PCGF5: variants seen among roughly 807,000 people sequenced by gnomAD.
PCGF5 encodes the protein polycomb group ring finger 5, also known as polycomb group RING finger protein 5.
In PCGF5, 9 loss-of-function variants were observed where a neutral mutation model predicts 44.3. The observed-to-expected ratio is 0.20, with a 90% CI of 0.12 to 0.35. The LOEUF (loss-of-function observed/expected upper bound fraction) is 0.35, where lower values mean the gene tolerates loss of function less well. Ranked by LOEUF, PCGF5 falls within the 10% of genes least tolerant of loss-of-function variation. The pLI is 1.00. For synonymous variants in PCGF5, 95 were observed against 102.5 expected (o/e 0.93, Z 0.44); for missense variants, 146 against 305.3 (o/e 0.48, Z 3.89).
At chr10:91,202,328 T>C (rs1224498233) in intron 1 of PCGF5, among the ~76,000 whole-genome samples, 2 of 152,228 alleles carry the variant, frequency 1.3e-5, no homozygotes, top group Non-Finnish European at 2.9e-5. Context: ...TGTGATCTGA[T>C]TGTTTTAAGC....
At chr10:91,218,400 T>C (rs1252870551), upstream of PCGF5, among the ~76,000 whole-genome samples, 2 of 152,112 alleles carry the variant, frequency 1.3e-5, no homozygotes, top group Non-Finnish European at 2.9e-5. Context: ...TTGAGATTTG[T>C]TATCAGAGCT....
intron 6 of PCGF5, among the ~76,000 whole-genome samples, chr10:91,257,058 A>G (rs1335898390): frequency 6.6e-6 from 1 of 152,148 alleles, no homozygotes; most frequent in Non-Finnish European, 1.5e-5. Flanking sequence ...TTTGCAAATC[A>G]TGTCTGATAA....
intron 1 of PCGF5, among the ~76,000 whole-genome samples, chr10:91,188,837 T>A (rs1406643856): frequency 6.6e-6 from 1 of 152,208 alleles, no homozygotes; most frequent in Admixed American, 6.5e-5. Context: ...TCACTTGTCA[T>A]TTCCCTAGAT....
intron 1 of PCGF5, among the ~76,000 whole-genome samples, chr10:91,163,410 G>A (rs1843430225): frequency 6.6e-6 from 1 of 151,952 alleles, no homozygotes; most frequent in South Asian, 2.1e-4. Context: ...CGGCCCCGCC[G>A]CGGGAGCAGC....
chr10:91,264,795 A>AT, intron 8 of PCGF5, among the ~76,000 whole-genome samples: 1 of 152,294 alleles, frequency 6.6e-6, no homozygotes, highest in East Asian at 1.9e-4. Flanking sequence ...AAAATGACAT[A>AT]TTTTTTAAAC....
chr10:91,226,616 G>A (rs1217478631), intron 2 of PCGF5, among the ~76,000 whole-genome samples: 6 of 152,254 alleles, frequency 3.9e-5, no homozygotes, highest in Admixed American at 2.6e-4. Flanking sequence ...AAACCAGATA[G>A]GTTGGTGCTT....
At chr10:91,189,525 A>G (rs1057279198) in intron 1 of PCGF5, among the ~76,000 whole-genome samples, 1 of 152,266 alleles carries the variant, frequency 6.6e-6, no homozygotes, top group South Asian at 2.1e-4. Flanking sequence ...GTAATATATG[A>G]CATAAAAATT....
intron 8 of PCGF5, among the ~76,000 whole-genome samples, chr10:91,270,554 T>C (rs1296346043): frequency 6.6e-6 from 1 of 152,164 alleles, no homozygotes; most frequent in East Asian, 1.9e-4. Context: ...TTACAGCATG[T>C]TGATGCACAC....
At chr10:91,258,432 A>AT in intron 6 of PCGF5, among the ~76,000 whole-genome samples, 1 of 152,272 alleles carries the variant, frequency 6.6e-6, no homozygotes, top group Middle Eastern at 3.4e-3. Context: ...GGCATTGTAT[A>AT]TACTTACAGT....
intron 1 of PCGF5, among the ~76,000 whole-genome samples, chr10:91,204,748 A>G (rs1157393568): frequency 6.6e-6 from 1 of 152,218 alleles, no homozygotes; most frequent in Admixed American, 6.5e-5. Flanking sequence ...TCTCTTCTTC[A>G]GATTTCTTCC....
chr10:91,246,107 A>G (rs2133364156), intron 3 of PCGF5, among the ~76,000 whole-genome samples: 1 of 152,338 alleles, frequency 6.6e-6, no homozygotes, highest in Admixed American at 6.5e-5. Flanking sequence ...GACTGACCAT[A>G]GAACAGATTA....
chr10:91,238,779 T>C (rs73312405), intron 2 of PCGF5, among the ~76,000 whole-genome samples: 4,238 of 152,058 alleles, frequency 0.028, 193 homozygotes, highest in African/African-American at 0.089. Flanking sequence ...TATTTTGACT[T>C]GAGAAGACAT....
intron 1 of PCGF5, among the ~76,000 whole-genome samples, chr10:91,203,195 A>G (rs976915437): frequency 3.3e-5 from 5 of 152,212 alleles, no homozygotes; most frequent in Admixed American, 2.0e-4. Flanking sequence ...AGGGCTTTGT[A>G]TAGCCAAGGT....
intron 1 of PCGF5, among the ~76,000 whole-genome samples, chr10:91,197,932 G>A (rs1273848425): frequency 6.6e-6 from 1 of 152,130 alleles, no homozygotes; most frequent in African/African-American, 2.4e-5. Context: ...TTCTCAAGAT[G>A]TTTCATTCAT....
At chr10:91,199,075 C>T (rs1844198027) in intron 1 of PCGF5, among the ~76,000 whole-genome samples, 1 of 152,194 alleles carries the variant, frequency 6.6e-6, no homozygotes, top group Non-Finnish European at 1.5e-5. Flanking sequence ...TCTGTCTCTC[C>T]CATTTTATTA....
At chr10:91,156,866 C>A in the PCGF5 span, among the ~76,000 whole-genome samples, 1 of 152,202 alleles carries the variant, frequency 6.6e-6, no homozygotes, top group African/African-American at 2.4e-5. Flanking sequence ...AAATGGTTTT[C>A]TCCTCTCTTT....
chr10:91,188,274 G>C (rs113640843), intron 1 of PCGF5, among the ~76,000 whole-genome samples: 1 of 152,160 alleles, frequency 6.6e-6, no homozygotes, highest in African/African-American at 2.4e-5. Context: ...CTCGGGAAGC[G>C]CAAGGGGTCA....
chr10:91,210,476 G>A (rs1844429524), intron 1 of PCGF5, among the ~76,000 whole-genome samples: 1 of 152,194 alleles, frequency 6.6e-6, no homozygotes, highest in Non-Finnish European at 1.5e-5. Context: ...GATGCCACCT[G>A]AAGATCTCTA....
At chr10:91,176,693 C>T (rs775911867) in intron 1 of PCGF5, among the ~76,000 whole-genome samples, 5 of 152,030 alleles carry the variant, frequency 3.3e-5, no homozygotes, top group South Asian at 2.1e-4. Flanking sequence ...TCCAGTTGAT[C>T]GAATCAGCTA....
Sources: gnomAD v4.1 joint callset for allele counts (sites outside exome capture counted in the v4.1 genomes callset) on GRCh38, gnomAD v4.1.1 for gene constraint, MANE v1.5 for transcripts, NCBI Gene and HGNC (gene_info 2026-07-23, HGNC 2026-07-21) for gene names.